Variants in DLGAP1 observed in about 807,000 individuals in gnomAD.
DLGAP1 encodes disks large-associated protein 1.
A neutral mutation model predicts 90.8 loss-of-function variants in DLGAP1; 11 were observed. That is an observed-to-expected ratio of 0.12 (90% CI 0.08 to 0.20). The LOEUF (loss-of-function observed/expected upper bound fraction) is 0.20. Among genes scored for constraint, DLGAP1 ranks in the 10% least tolerant of loss-of-function variants. The probability of loss-of-function intolerance (pLI) is 1.00; values close to 1 mark genes in which losing one functional copy is unlikely to be tolerated. For synonymous variants in DLGAP1, 558 were observed against 540.7 expected (o/e 1.03, Z -0.44); for missense variants, 1,050 against 1,333.8 (o/e 0.79, Z 3.31).
chr18:3,680,804 A>G (rs1406429181), intron 7 of DLGAP1, among the ~76,000 whole-genome samples: 3 of 151,856 alleles, frequency 2.0e-5, no homozygotes, highest in Non-Finnish European at 4.4e-5. Flanking sequence ...AAAAAAAAAA[A>G]AAGGAGGAAA....
chr18:3,590,827 C>T (rs1220927741), intron 7 of DLGAP1, among the ~76,000 whole-genome samples: 2 of 151,628 alleles, frequency 1.3e-5, no homozygotes, highest in African/African-American at 2.4e-5. Context: ...TGAGCCGAGA[C>T]GGTGCCATTG....
intron 2 of DLGAP1, among the ~76,000 whole-genome samples, chr18:4,070,879 G>A (rs1598347486): frequency 1.3e-5 from 2 of 152,068 alleles, no homozygotes; most frequent in Admixed American, 1.3e-4. Flanking sequence ...ATAAAAAAGT[G>A]AGTATTAATT....
At chr18:3,715,199 C>A (rs376511009) in intron 7 of DLGAP1, among the ~76,000 whole-genome samples, 1 of 152,312 alleles carries the variant, frequency 6.6e-6, no homozygotes, top group East Asian at 1.9e-4. Flanking sequence ...GTGAGCATGG[C>A]TGTTTTTACT....
chr18:4,309,571 T>C (rs536247040), intron 1 of DLGAP1, among the ~76,000 whole-genome samples: 1 of 152,046 alleles, frequency 6.6e-6, no homozygotes, highest in Non-Finnish European at 1.5e-5. Context: ...CAAAGAGAAA[T>C]AAAAAATCGT....
intron 3 of DLGAP1, among the ~76,000 whole-genome samples, chr18:3,971,257 T>C (rs1200255963): frequency 2.0e-5 from 3 of 152,218 alleles, no homozygotes; most frequent in Non-Finnish European, 4.4e-5. Flanking sequence ...TAGTTTCTAT[T>C]ATTTCTTTTC....
chr18:3,949,009 A>G (rs2072929525), intron 3 of DLGAP1, among the ~76,000 whole-genome samples: 1 of 152,130 alleles, frequency 6.6e-6, no homozygotes, highest in Non-Finnish European at 1.5e-5. Flanking sequence ...TAATTCTTTC[A>G]TAATAAAAAA....
At chr18:4,379,691 T>A (rs555607453) in intron 1 of DLGAP1, among the ~76,000 whole-genome samples, 1 of 152,270 alleles carries the variant, frequency 6.6e-6, no homozygotes, top group South Asian at 2.1e-4. Context: ...GGTAAAGTGT[T>A]GTATTTCTTC....
At chr18:4,382,703 T>C (rs1211751991) in intron 1 of DLGAP1, among the ~76,000 whole-genome samples, 2 of 152,132 alleles carry the variant, frequency 1.3e-5, no homozygotes, top group Non-Finnish European at 2.9e-5. Context: ...GCTAATTCAG[T>C]TTTTGGAAAA....
At chr18:4,029,006 T>C (rs1375827079) in intron 2 of DLGAP1, among the ~76,000 whole-genome samples, 3 of 152,216 alleles carry the variant, frequency 2.0e-5, no homozygotes, top group African/African-American at 7.2e-5. Context: ...TATTTGATCA[T>C]CATTTCTCTA....
chr18:3,851,845 CA>C (rs1245427474), intron 4 of DLGAP1, among the ~76,000 whole-genome samples: 2 of 152,000 alleles, frequency 1.3e-5, no homozygotes, highest in Non-Finnish European at 2.9e-5. Flanking sequence ...GATCACAAAG[CA>C]GAGTTGTAAG....
chr18:3,768,442 C>G (rs3862172), intron 5 of DLGAP1, among the ~76,000 whole-genome samples: 2,905 of 151,992 alleles, frequency 0.019, 50 homozygotes, highest in Middle Eastern at 0.092. Flanking sequence ...TAGATATAGA[C>G]AAGATTTTTT....
intron 1 of DLGAP1, among the ~76,000 whole-genome samples, chr18:4,385,532 G>T (rs369607631): frequency 1.1e-4 from 16 of 151,980 alleles, no homozygotes; most frequent in African/African-American, 3.6e-4. Context: ...GAGAGATGCA[G>T]ATTGCTGGTT....
At position 4,123,930 on chromosome 18, in the gene DLGAP1, A is replaced by T. The variant is rs1156843397; in HGVS notation, c.-159+27250T>A. Among the ~76,000 whole-genome samples the T allele has an allele frequency of 2.6e-5, 4 of 152,178 alleles. No individual in the cohort carries two copies. The East Asian group carries it at 7.7e-4, about 29-fold the overall frequency. On this transcript the variant is annotated intron_variant, in intron 2 of 12. Transcript: ENST00000315677. Reference sequence around the variant, plus strand: ...GCAGGTGTGAAAAGATCACTCTGAGATTCTTGGTGTTTCTTAAAAGCAGAA... The same window carrying T: ...GCAGGTGTGAAAAGATCACTCTGAGTTTCTTGGTGTTTCTTAAAAGCAGAA...
intron 4 of DLGAP1, among the ~76,000 whole-genome samples, chr18:3,875,720 C>T (rs1190907564): frequency 6.6e-6 from 1 of 152,212 alleles, no homozygotes; most frequent in African/African-American, 2.4e-5. Context: ...AAATGAGAGT[C>T]CTGGGACTTC....
At position 3,970,036 on chromosome 18, in the gene DLGAP1, A is replaced by G. The variant is rs1439434008; in HGVS notation, c.-73+35080T>C. Among the ~76,000 whole-genome samples, 14 of 152,188 alleles carry G rather than the reference A, an allele frequency of 9.2e-5. 1 individual carries two copies. The highest frequency in any genetic ancestry group is 4.6e-4 in the Admixed American group (7 of 15,272). On this transcript the variant is annotated intron_variant, in intron 3 of 12. Coordinates refer to ENST00000315677, the MANE Select transcript of DLGAP1 (RefSeq NM_004746.4). ...TAATCAGTGCTTAATACTAGTGGTA[A>G]GTTTGATTAATGTTTGTCTTTGTAG...
intron 7 of DLGAP1, among the ~76,000 whole-genome samples, chr18:3,649,649 C>T (rs16945178): frequency 0.092 from 13,965 of 152,170 alleles, 1,212 homozygotes; most frequent in African/African-American, 0.23. Flanking sequence ...CAAATAGCGG[C>T]TCCTTGCCAG....
At position 3,580,650 on chromosome 18, in the gene DLGAP1, C is replaced by T. The variant is rs1282024736; in HGVS notation, c.1965+1225G>A. 25 of 1,604,870 alleles carry T rather than the reference C, an allele frequency of 1.6e-5. No homozygotes were observed. In the Admixed American group the frequency reaches 1.7e-4, roughly 11 times the overall value. ...GAGCCTTTGTCGGCTGACCCAGAGG[C>T]GAGGAGATTGCTGGGCCCGGCCCCT... On this transcript the variant is annotated intron_variant, in intron 8 of 12. Transcript: ENST00000315677.
chr18:3,514,853 T>C (rs1429343922), intron 10 of DLGAP1, among the ~76,000 whole-genome samples: 4 of 152,174 alleles, frequency 2.6e-5, no homozygotes, highest in Non-Finnish European at 5.9e-5. Flanking sequence ...AAGGTGGTAG[T>C]TGCTAAAGGT....
At chr18:3,515,676 G>C (rs970109501) in intron 10 of DLGAP1, among the ~76,000 whole-genome samples, 1 of 151,404 alleles carries the variant, frequency 6.6e-6, no homozygotes, top group Non-Finnish European at 1.5e-5. Flanking sequence ...CTACTCAGGA[G>C]GCTGAGTTGG....
Sources: gnomAD v4.1 joint callset for allele counts (sites outside exome capture counted in the v4.1 genomes callset) on GRCh38, gnomAD v4.1.1 for gene constraint, MANE v1.5 for transcripts, NCBI Gene and HGNC (gene_info 2026-07-23, HGNC 2026-07-21) for gene names.